The following NOL8 variants were observed in gnomAD, a reference collection of about 807,000 sequenced individuals.
NOL8 encodes nucleolar protein 8.
In NOL8, 93 loss-of-function variants were observed where a neutral mutation model predicts 116.1. The observed-to-expected ratio is 0.80, with a 90% CI of 0.68 to 0.95. The LOEUF (loss-of-function observed/expected upper bound fraction) is 0.95, where lower values mean the gene tolerates loss of function less well. Among genes scored for constraint, NOL8 ranks in the 40% least tolerant of loss-of-function variants. The pLI is 0.00. For synonymous variants in NOL8, 419 were observed against 469.0 expected, an observed-to-expected ratio of 0.89 and a Z score of 1.38; for missense variants, 1,291 against 1,382.8, an observed-to-expected ratio of 0.93 and a Z score of 1.05.
In NOL8 at chr9:92,324,092, G is replaced by C. The variant is rs183819692; in HGVS notation, c.70C>G (p.Leu24Val). 8.5e-5 allele frequency: 137 copies of C among 1,614,022 alleles called. No individual in the cohort carries two copies. The East Asian group carries it at 2.9e-3, about 34-fold the overall frequency. ...CCAAATCTGCTGAACTGATTTTGTAGGTCTGCCTCAGAAATGTCCTGGCTA... is the reference window on the plus strand; with the variant it reads ...CCAAATCTGCTGAACTGATTTTGTACGTCTGCCTCAGAAATGTCCTGGCTA... ...GLSQDISEAD[L>V]QNQFSRFGEV... The change falls in exon 2 of 17, where the codon CTA becomes GTA. Residue 24 changes from leucine to valine, a missense_variant. Transcript: ENST00000442668.
intron 5 of NOL8, 129 bp from the exon 6 acceptor site, chr9:92,318,815 T>A: frequency 1.6e-6 from 1 of 607,380 alleles, no homozygotes; most frequent in Non-Finnish European, 2.7e-6. Context: ...TTTCTGACAA[T>A]GAAATAAGAG....
At position 92,306,869 on chromosome 9, in the gene NOL8, T is replaced by C. The variant is rs367891581; in HGVS notation, c.2825+17A>G. 1 of 1,606,430 alleles carries C rather than the reference T, an allele frequency of 6.2e-7. No individual in the cohort carries two copies. The highest frequency in any genetic ancestry group is 1.3e-5 in the African/African-American group (1 of 74,582). The stretch of plus-strand genomic sequence containing the variant: ...CAAAGGATGATATGGTAGAATGGGA[T>C]GGAACATAAAACATACTTAAATTTC... On this transcript the variant is annotated intron_variant, in intron 11 of 16. Transcript: ENST00000442668.
chr9:92,323,362 TTA>T, intron 3 of NOL8, 77 bp downstream of exon 3: 1 of 1,542,306 alleles, frequency 6.5e-7, no homozygotes, highest in Non-Finnish European at 8.8e-7. Context: ...CTGTGGAGGT[TTA>T]GATTTAGAAC....
Position 92,303,470 on chromosome 9 carries a change from A to G in NOL8, c.2904-1648T>C, listed in dbSNP as rs182750301. Among the ~76,000 whole-genome samples the G allele has an allele frequency of 9.1e-4, 139 of 152,322 alleles. 1 individual carries two copies. Among genetic ancestry groups the G allele is most frequent in the African/African-American group, 3.1e-3 (129 of 41,566 alleles). On this transcript the variant is annotated intron_variant, in intron 12 of 16. Transcript: ENST00000442668. ...CACACAGCCTTGCTCATTTGTTTAC[A>G]TATTGTCTATGGCTGCTTTTCTTTT...
At chr9:92,300,458 T>C in intron 13 of NOL8, 1 of 988,272 alleles carries the variant, frequency 1.0e-6, no homozygotes. Context: ...AACTTTTTGC[T>C]AGAACTGCTG....
intron 4 of NOL8, chr9:92,320,139 T>A (rs1202391227): frequency 2.2e-6 from 1 of 456,142 alleles, no homozygotes; most frequent in Non-Finnish European, 4.4e-6. Context: ...CATATCCTCC[T>A]AATGAAGAGA....
Position 92,299,920 on chromosome 9 carries a change from T to G in NOL8, c.3272A>C (p.Glu1091Ala). ...DSSSEEEDVTEETDHRNSSPG... is the reference protein window; with the variant it reads ...DSSSEEEDVTAETDHRNSSPG... Reference sequence around the variant, plus strand: ...ACTGGAGTTTCTGTGATCTGTTTCTTCAGTAACATCTTCCTCTTCTGAACT... The same window carrying G: ...ACTGGAGTTTCTGTGATCTGTTTCTGCAGTAACATCTTCCTCTTCTGAACT... Residue 1091 changes from glutamate (E) to alanine (A), a missense_variant, in exon 14 of 17, where the codon GAA becomes GCA. Physicochemically the swap from Glu to Ala is moderately radical, Grantham distance 107 (BLOSUM62 -1). Transcript: ENST00000442668. 1 of 1,613,568 alleles carries G rather than the reference T, an allele frequency of 6.2e-7. No homozygotes were observed. The highest frequency in any genetic ancestry group is 8.5e-7 in the Non-Finnish European group (1 of 1,179,588).
chr9:92,321,749 ATAAAG>A lies in NOL8; in HGVS notation c.203-8_203-4del, dbSNP rs770718232. On this transcript the variant is annotated splice_region_variant and splice_polypyrimidine_tract_variant and intron_variant, in intron 3 of 16. Coordinates refer to ENST00000442668, the MANE Select transcript of NOL8 (RefSeq NM_017948.6). ...TGTTTTATTTAAAACAGACATACCT[ATAAAG>A]TAAAGAATTATTACAAGTACATGGC... is the stretch of plus-strand genomic sequence containing the variant. The A allele has an allele frequency of 7.4e-5, 99 of 1,343,022 alleles. No homozygotes were observed. The highest frequency in any genetic ancestry group is 4.4e-4 in the East Asian group (17 of 38,952). The allele number at this position is 1,343,022 out of a possible 1,614,324, so 83.2% of individuals were successfully genotyped here.
intron 6 of NOL8, among the ~76,000 whole-genome samples, chr9:92,317,235 C>T (rs1282115199): frequency 6.6e-6 from 1 of 152,206 alleles, no homozygotes; most frequent in Non-Finnish European, 1.5e-5. Flanking sequence ...GCTGGGATTA[C>T]AGGTGTGAGC....
intron 7 of NOL8, among the ~76,000 whole-genome samples, chr9:92,312,799 C>T (rs1838943432): frequency 7.0e-6 from 1 of 143,574 alleles, no homozygotes; most frequent in Non-Finnish European, 1.5e-5. Flanking sequence ...TGTACTCCAG[C>T]CTGGGCAACA....
chr9:92,306,949 C>T lies in NOL8; in HGVS notation c.2762G>A (p.Ser921Asn). Residue 921 changes from serine to asparagine, a missense_variant, in exon 11 of 17, where the codon AGT becomes AAT. Ser to Asn is a conservative substitution (Grantham distance 46, BLOSUM62 1). Coordinates refer to ENST00000442668, the MANE Select transcript of NOL8 (RefSeq NM_017948.6). ...EKKKALNVVQ[S>N]VLQINLSNST... The stretch of plus-strand genomic sequence containing the variant: ...ATTGCTTAAGTTGATTTGCAAAACA[C>T]TTTGTACAACATTCAGGGCTTTCTT... 1 of 1,613,492 alleles carries T rather than the reference C, an allele frequency of 6.2e-7. No individual in the cohort carries two copies. The highest frequency in any genetic ancestry group is 8.5e-7 in the Non-Finnish European group (1 of 1,179,652).
At chr9:92,314,206 G>A in intron 7 of NOL8, 61 bp downstream of exon 7, 1 of 1,496,620 alleles carries the variant, frequency 6.7e-7, no homozygotes, top group Non-Finnish European at 8.9e-7. Flanking sequence ...CTAACTTCAT[G>A]GGAAAGAAAA....
chr9:92,314,985 G>C lies in NOL8; in HGVS notation c.1640C>G (p.Ser547Cys). The C allele has an allele frequency of 6.2e-7, 1 of 1,613,888 alleles. No homozygotes were observed. The highest frequency in any genetic ancestry group is 1.1e-5 in the South Asian group (1 of 91,080). The stretch of plus-strand genomic sequence containing the variant: ...GGTGTTCTCCTCTCCTTCTAACAGG[G>C]AAGCCACAATCTCCGCAGGACGAAT... Reference protein sequence around the residue: ...QCIRPAEIVASLLEGEENTCG... With the variant: ...QCIRPAEIVACLLEGEENTCG... The change falls in exon 7 of 17, where the codon TCC (serine) becomes TGC (cysteine). Residue 547 changes from serine to cysteine, a missense_variant. By Grantham distance (112) the Ser-to-Cys change is moderately radical. Transcript: ENST00000442668.
chr9:92,302,369 T>G (rs1467820008), intron 12 of NOL8, among the ~76,000 whole-genome samples: 1 of 152,236 alleles, frequency 6.6e-6, no homozygotes, highest in East Asian at 1.9e-4. Context: ...GACAAAAAGT[T>G]ACTTGGCAGT....
At chr9:92,323,828 G>A (rs1008135439) in intron 2 of NOL8, among the ~76,000 whole-genome samples, 195 bp downstream of exon 2, 7 of 152,194 alleles carry the variant, frequency 4.6e-5, no homozygotes, top group Non-Finnish European at 8.8e-5. Context: ...GAAATCAGAT[G>A]TTTTAGAATT....
Position 92,300,155 on chromosome 9 carries a change from A to C in NOL8, c.3176-139T>G. 2.9e-6 allele frequency: 4 copies of C among 1,357,764 alleles called. No individual in the cohort carries two copies. The South Asian group carries it at 5.6e-5, about 19-fold the overall frequency. The allele number at this position is 1,357,764 out of a possible 1,614,324, so 84.1% of individuals were successfully genotyped here. On this transcript the variant is annotated intron_variant, in intron 13 of 16. Transcript: ENST00000442668. ...TTAATCATTAATTTAAAATAGTATC[A>C]AAAAAATAGGTAGTATCATCTTTTT...
rs1340048123 is a variant in NOL8 at position 92,314,763 on chromosome 9, T to C, written c.1862A>G (p.Asn621Ser). The change falls in exon 7 of 17, where the codon AAT (asparagine) becomes AGT (serine). Residue 621 changes from asparagine (N) to serine (S), a missense_variant. Coordinates refer to ENST00000442668, the MANE Select transcript of NOL8 (RefSeq NM_017948.6). ...TGGAGTCACTTCACCTAATGAGCCATTAACATATGGGGACCCATCTTCCAT... is the reference window on the plus strand; with the variant it reads ...TGGAGTCACTTCACCTAATGAGCCACTAACATATGGGGACCCATCTTCCAT... ...ISMEDGSPYV[N>S]GSLGEVTPCQ... 6 of 1,613,792 alleles carry C rather than the reference T, an allele frequency of 3.7e-6. No homozygotes were observed. In the African/African-American group the frequency reaches 4.0e-5, roughly 11 times the overall value.
intron 15 of NOL8, 148 bp from the exon 16 acceptor site, chr9:92,298,484 T>G (rs1837441444): frequency 1.8e-6 from 1 of 566,886 alleles, no homozygotes; most frequent in Non-Finnish European, 3.1e-6. Context: ...TTAGTATTTT[T>G]TCTTTCCAAA....
rs710163 is a variant in NOL8 at position 92,297,522 on chromosome 9, A to G, written c.*314T>C. ...ACTCATTTATTTAAAAAGGCTTCAT[A>G]TAAACCTTGCATGAGAAGATGTCCA... On this transcript the variant is annotated 3_prime_UTR_variant, in exon 17 of 17. Coordinates refer to ENST00000442668, the MANE Select transcript of NOL8 (RefSeq NM_017948.6). 0.63 allele frequency: 151,703 copies of G among 241,782 alleles called. 50,347 individuals are homozygous for G. Among genetic ancestry groups the G allele is most frequent in the African/African-American group, 0.91 (40,313 of 44,530 alleles). The allele number at this position is 241,782 out of a possible 1,614,324, so 15.0% of individuals were successfully genotyped here.
Sources: allele counts gnomAD v4.1 joint callset (sites outside exome capture counted in the v4.1 genomes callset), GRCh38; gene constraint gnomAD v4.1.1; transcripts MANE v1.5; gene names NCBI Gene and HGNC (gene_info 2026-07-23, HGNC 2026-07-21).